Variants in WIPF1 observed in about 807,000 individuals in gnomAD.
WIPF1 encodes the protein WAS/WASL-interacting protein family member 1.
In WIPF1, 13 loss-of-function variants were observed where a neutral mutation model predicts 35.4. The ratio of observed to expected loss-of-function variants is 0.37; its 90% CI spans 0.24 to 0.58. The LOEUF is 0.58. Ranked by LOEUF, WIPF1 falls within the 20% of genes least tolerant of loss-of-function variation. The probability of loss-of-function intolerance (pLI) is 0.74; values close to 1 mark genes in which losing one functional copy is unlikely to be tolerated. For missense variants in WIPF1, 591 were observed against 667.0 expected, an observed-to-expected ratio of 0.89 and a Z score of 1.25; for synonymous variants, 267 against 266.3, an observed-to-expected ratio of 1.00 and a Z score of -0.02.
Position 174,572,324 on chromosome 2 carries a change from G to A in WIPF1, c.481C>T (p.Pro161Ser). The change falls in exon 5 of 8, where the codon CCC (proline) becomes TCC (serine). Residue 161 changes from proline to serine, a missense_variant. By Grantham distance (74) the Pro-to-Ser change is moderately conservative (BLOSUM62 -1). This residue lies in a region of WIPF1 where 471 missense variants were observed against 501.1 expected (regional missense o/e 0.94). Coordinates refer to ENST00000679041, the MANE Select transcript of WIPF1 (RefSeq NM_001375834.1). ...PVPSPGHRSG[P>S]PEPQRNRMPP... ...ATTCGGTTCCTCTGAGGCTCTGGGGGACCACTTCTGTGGCCTGGAGAAGGC... is the reference window on the plus strand; with the variant it reads ...ATTCGGTTCCTCTGAGGCTCTGGGGAACCACTTCTGTGGCCTGGAGAAGGC... The A allele has an allele frequency of 6.2e-7, 1 of 1,614,094 alleles. No individual in the cohort carries two copies. Among genetic ancestry groups the A allele is most frequent in the African/African-American group, 1.3e-5 (1 of 75,030 alleles).
chr2:174,665,299 T>A (rs1241686623), intron 1 of WIPF1: 1 of 152,194 alleles, frequency 6.6e-6, no homozygotes, highest in Admixed American at 6.5e-5. Flanking sequence ...CTCATTCGTG[T>A]CTGGACAATG....
At chr2:174,625,526 C>G (rs1301828885) in intron 1 of WIPF1, 1 of 152,188 alleles carries the variant, frequency 6.6e-6, no homozygotes, top group Non-Finnish European at 1.5e-5. Flanking sequence ...TTCACTTCAC[C>G]TCTCTGAGGC....
chr2:174,565,158 G>A (rs952692791), intron 7 of WIPF1, among the ~76,000 whole-genome samples: 1 of 152,028 alleles, frequency 6.6e-6, no homozygotes, highest in Non-Finnish European at 1.5e-5. Context: ...GCCTCCCAAA[G>A]TGCTGGGATT....
intron 1 of WIPF1, among the ~76,000 whole-genome samples, chr2:174,641,564 C>T (rs1687294053): frequency 6.6e-6 from 1 of 152,206 alleles, no homozygotes; most frequent in Non-Finnish European, 1.5e-5. Context: ...TGGACAGAGA[C>T]TAATTCAACC....
intron 1 of WIPF1, among the ~76,000 whole-genome samples, chr2:174,645,203 T>C (rs1450096922): frequency 6.6e-6 from 1 of 152,190 alleles, no homozygotes; most frequent in Non-Finnish European, 1.5e-5. Context: ...AACAACCCTT[T>C]GAGTTAAATA....
At chr2:174,672,038 C>T (rs892388992) in intron 1 of WIPF1, among the ~76,000 whole-genome samples, 1 of 152,292 alleles carries the variant, frequency 6.6e-6, no homozygotes, top group Non-Finnish European at 1.5e-5. Flanking sequence ...TCAGGGGCAT[C>T]ATGGAACCTG....
chr2:174,603,568 A>C, intron 1 of WIPF1, among the ~76,000 whole-genome samples: 1 of 152,224 alleles, frequency 6.6e-6, no homozygotes, highest in Non-Finnish European at 1.5e-5. Context: ...TCACTGGAAA[A>C]GCATTTAGAA....
chr2:174,578,707 TC>T (rs1685142738), intron 3 of WIPF1, among the ~76,000 whole-genome samples: 1 of 152,228 alleles, frequency 6.6e-6, no homozygotes, highest in Non-Finnish European at 1.5e-5. Flanking sequence ...TAGTTCTGTA[TC>T]TTTTCTAGAT....
At chr2:174,564,158 G>A (rs1269490117) in intron 7 of WIPF1, among the ~76,000 whole-genome samples, 1 of 152,214 alleles carries the variant, frequency 6.6e-6, no homozygotes, top group Non-Finnish European at 1.5e-5. Flanking sequence ...CTTGGAGGCT[G>A]AGGCTGCTGC....
chr2:174,637,453 A>G (rs1687207554), intron 1 of WIPF1, among the ~76,000 whole-genome samples: 1 of 152,220 alleles, frequency 6.6e-6, no homozygotes, highest in South Asian at 2.1e-4. Context: ...ATTTTGTTTA[A>G]TTACATTCAT....
upstream of WIPF1, among the ~76,000 whole-genome samples, chr2:174,598,482 A>G (rs574034251): frequency 1.3e-5 from 2 of 151,796 alleles, no homozygotes; most frequent in Non-Finnish European, 2.9e-5. Flanking sequence ...TGGCTAATTT[A>G]TTTTATTTTT....
chr2:174,678,230 T>C (rs1333373079), intron 1 of WIPF1, among the ~76,000 whole-genome samples: 1 of 152,218 alleles, frequency 6.6e-6, no homozygotes, highest in Non-Finnish European at 1.5e-5. Flanking sequence ...AATTTAGTTA[T>C]GCTGGAAAGA....
chr2:174,655,264 G>T (rs1687617579), intron 1 of WIPF1, among the ~76,000 whole-genome samples: 2 of 151,800 alleles, frequency 1.3e-5, no homozygotes, highest in African/African-American at 4.8e-5. Flanking sequence ...TCCCTCCCTT[G>T]CCCGGCCTTC....
intron 1 of WIPF1, among the ~76,000 whole-genome samples, chr2:174,608,151 A>G (rs1686232072): frequency 6.6e-6 from 1 of 152,142 alleles, no homozygotes; most frequent in Non-Finnish European, 1.5e-5. Flanking sequence ...TCAGGAAGAG[A>G]ATGAGTTAGA....
At chr2:174,677,762 A>T (rs2105996202) in intron 1 of WIPF1, among the ~76,000 whole-genome samples, 1 of 152,356 alleles carries the variant, frequency 6.6e-6, no homozygotes, top group African/African-American at 2.4e-5. Context: ...AAACAAATGA[A>T]GAGAAGGGGC....
At chr2:174,606,839 T>C (rs887812445) in intron 1 of WIPF1, among the ~76,000 whole-genome samples, 2 of 152,154 alleles carry the variant, frequency 1.3e-5, no homozygotes, top group Non-Finnish European at 2.9e-5. Flanking sequence ...AAAAATACAT[T>C]GCCTTAGTCT....
intron 1 of WIPF1, among the ~76,000 whole-genome samples, chr2:174,653,291 A>C (rs1023562668): frequency 2.6e-5 from 4 of 152,176 alleles, no homozygotes; most frequent in African/African-American, 9.7e-5. Flanking sequence ...GCCAACAAGC[A>C]GGGGCCTATC....
chr2:174,672,661 G>A (rs1294760321), intron 1 of WIPF1, among the ~76,000 whole-genome samples: 2 of 152,188 alleles, frequency 1.3e-5, no homozygotes, highest in Non-Finnish European at 2.9e-5. Flanking sequence ...TGATTGCATT[G>A]TTAGGATGGA....
chr2:174,632,262 AATG>A (rs1687045608), intron 1 of WIPF1, among the ~76,000 whole-genome samples: 1 of 152,118 alleles, frequency 6.6e-6, no homozygotes, highest in Admixed American at 6.5e-5. Context: ...GGTTTTGTAT[AATG>A]ATGACACTTT....
Sources: gnomAD v4.1 joint callset for allele counts (sites outside exome capture counted in the v4.1 genomes callset) on GRCh38, gnomAD v4.1.1 for gene constraint, gnomAD v4.1.1 regional missense constraint, MANE v1.5 for transcripts, NCBI Gene and HGNC (gene_info 2026-07-23, HGNC 2026-07-21) for gene names.